The following NCAPG2 variants were observed in gnomAD, a reference collection of about 807,000 sequenced individuals.
The protein encoded by NCAPG2 is condensin-2 complex subunit G2.
Under a neutral mutation model 141.1 loss-of-function variants are expected in NCAPG2, and 53 were observed. The observed-to-expected ratio is 0.38, with a 90% CI of 0.30 to 0.47. NCAPG2 has a LOEUF of 0.47. NCAPG2 is among the 20% of genes least tolerant of loss of function. NCAPG2 has a pLI of 0.99. For synonymous variants in NCAPG2, 499 were observed against 490.7 expected (o/e 1.02, Z -0.22); for missense variants, 1,087 against 1,389.0 (o/e 0.78, Z 3.46).
At chr7:158,703,629 CAAGGT>C (rs1835947987) in intron 1 of NCAPG2, 1 of 152,238 alleles carries the variant, frequency 6.6e-6, no homozygotes, top group African/African-American at 2.4e-5. Context: ...ATGCTACTTT[CAAGGT>C]AAGGAGTCAT....
At chr7:158,665,842 G>C (rs1832888791) in intron 13 of NCAPG2, among the ~76,000 whole-genome samples, 1 of 152,154 alleles carries the variant, frequency 6.6e-6, no homozygotes, top group Non-Finnish European at 1.5e-5. Context: ...CCTCAACTCA[G>C]ACAAAATCTG....
intron 24 of NCAPG2, among the ~76,000 whole-genome samples, chr7:158,648,674 GACC>G (rs1294215241): frequency 2.3e-5 from 1 of 44,212 alleles, no homozygotes; most frequent in African/African-American, 8.1e-5. Flanking sequence ...ACGCCAAATG[GACC>G]ACAACCACGC....
chr7:158,653,173 C>A (rs928582572), intron 22 of NCAPG2, among the ~76,000 whole-genome samples: 2 of 151,760 alleles, frequency 1.3e-5, no homozygotes, highest in African/African-American at 4.8e-5. Flanking sequence ...CCAGCCTGGC[C>A]AAGACAGTGA....
At chr7:158,672,577 G>A (rs896048244) in intron 12 of NCAPG2, among the ~76,000 whole-genome samples, 2 of 151,668 alleles carry the variant, frequency 1.3e-5, no homozygotes, top group African/African-American at 4.8e-5. Context: ...TCCTGACCTC[G>A]TGATCTGCCC....
At chr7:158,672,366 G>A (rs1239417054) in intron 12 of NCAPG2, among the ~76,000 whole-genome samples, 10 of 98,392 alleles carry the variant, frequency 1.0e-4, no homozygotes, top group African/African-American at 3.3e-4. Flanking sequence ...TTTTTGAGAC[G>A]GAGTCTCACT....
chr7:158,658,007 A>C (rs1832141097), intron 17 of NCAPG2, among the ~76,000 whole-genome samples: 1 of 152,042 alleles, frequency 6.6e-6, no homozygotes, highest in African/African-American at 2.4e-5. Flanking sequence ...CCAGGGACAC[A>C]AACGCTGCGG....
Position 158,680,753 on chromosome 7 carries a change from A to G in NCAPG2, c.988T>C (p.Leu330=), listed in dbSNP as rs372517081. 1 of 1,603,836 alleles carries G rather than the reference A, an allele frequency of 6.2e-7. No homozygotes were observed. Among genetic ancestry groups the G allele is most frequent in the Non-Finnish European group, 8.5e-7 (1 of 1,174,402 alleles). Residue 330 remains leucine (L), a synonymous_variant, in exon 10 of 28, where the codon TTA becomes CTA. Transcript: ENST00000356309. ...CCTCTCCAAAGGATGGGCTTATATA[A>G]TCTATAAAGCATCTCTTCCACTCCC... ...RQGVEEMLYR[L]YKPILWRGLK...
Position 158,691,432 on chromosome 7 carries a change from TG to T in NCAPG2, c.383-711del, listed in dbSNP as rs1385931245. ...GAAGCTATTTTCATTATGATTGGGG[TG>T]ACTTTTTAATAAGACACTGTATTTC... On this transcript the variant is annotated intron_variant, in intron 4 of 27. Coordinates refer to ENST00000356309, the MANE Select transcript of NCAPG2 (RefSeq NM_017760.7). Among the ~76,000 whole-genome samples, 3 of 152,252 alleles carry T rather than the reference TG, an allele frequency of 2.0e-5. No homozygotes were observed. In the East Asian group the frequency reaches 5.8e-4, roughly 29 times the overall value.
chr7:158,654,949 T>C (rs570674659), intron 21 of NCAPG2, among the ~76,000 whole-genome samples, 169 bp downstream of exon 21: 29 of 152,332 alleles, frequency 1.9e-4, no homozygotes, highest in African/African-American at 6.5e-4. Context: ...ACTGAAAGTA[T>C]GCAGTTTACG....
intron 4 of NCAPG2, 83 bp downstream of exon 4, chr7:158,692,755 AAATG>A (rs1466202791): frequency 6.4e-6 from 6 of 933,408 alleles, no homozygotes; most frequent in Non-Finnish European, 1.0e-5. Flanking sequence ...AAAAATAAAT[AAATG>A]AATGAATAAA....
chr7:158,670,250 A>G (rs1050672787), intron 13 of NCAPG2, among the ~76,000 whole-genome samples: 5 of 152,228 alleles, frequency 3.3e-5, no homozygotes, highest in African/African-American at 9.6e-5. Flanking sequence ...ACAACGTAAT[A>G]TGTACTACAT....
chr7:158,659,615 C>T (rs960339441), intron 16 of NCAPG2, among the ~76,000 whole-genome samples: 1 of 152,058 alleles, frequency 6.6e-6, no homozygotes, highest in East Asian at 1.9e-4. Flanking sequence ...GGGGTACATC[C>T]ACCCTTCCTC....
intron 8 of NCAPG2, 130 bp downstream of exon 8, chr7:158,686,042 G>A (rs1161579670): frequency 3.6e-6 from 2 of 556,268 alleles, no homozygotes; most frequent in Non-Finnish European, 6.2e-6. Flanking sequence ...CCATCAAATA[G>A]ATTTTCATTA....
chr7:158,653,563 T>A (rs997266967), intron 22 of NCAPG2, among the ~76,000 whole-genome samples: 20 of 152,082 alleles, frequency 1.3e-4, no homozygotes, highest in African/African-American at 4.6e-4. Flanking sequence ...TCTACTTCAG[T>A]TGCAACGTCA....
At chr7:158,678,138 C>A (rs1834214508) in intron 11 of NCAPG2, among the ~76,000 whole-genome samples, 1 of 151,496 alleles carries the variant, frequency 6.6e-6, no homozygotes, top group East Asian at 1.9e-4. Flanking sequence ...CTCCATATTA[C>A]TCAGGTTTAA....
At chr7:158,640,365 GTC>G (rs1379399977) in intron 27 of NCAPG2, 2 of 152,164 alleles carry the variant, frequency 1.3e-5, no homozygotes, top group Middle Eastern at 6.8e-3. Context: ...GTGAAGCCCT[GTC>G]TCCACTAATA....
At chr7:158,654,087 C>T (rs1831719578) in intron 22 of NCAPG2, among the ~76,000 whole-genome samples, 1 of 152,220 alleles carries the variant, frequency 6.6e-6, no homozygotes, top group Admixed American at 6.5e-5. Context: ...CCTGGCCCCA[C>T]ACCCTTTCCC....
chr7:158,642,844 A>G (rs149677610), intron 27 of NCAPG2, among the ~76,000 whole-genome samples: 83 of 152,342 alleles, frequency 5.4e-4, no homozygotes, highest in African/African-American at 1.9e-3. Flanking sequence ...TTCTCTGAAA[A>G]TATCAGTAAA....
chr7:158,691,333 G>A (rs1183524327), intron 4 of NCAPG2, among the ~76,000 whole-genome samples: 2 of 152,220 alleles, frequency 1.3e-5, no homozygotes, highest in African/African-American at 4.8e-5. Context: ...CAACTACAGT[G>A]TTAGCACTAA....
Sources: allele counts gnomAD v4.1 joint callset (sites outside exome capture counted in the v4.1 genomes callset), GRCh38; gene constraint gnomAD v4.1.1; transcripts MANE v1.5; gene names NCBI Gene and HGNC (gene_info 2026-07-23, HGNC 2026-07-21).